Variants in SSBP3 observed in about 807,000 individuals in gnomAD.
SSBP3 encodes the protein single stranded DNA binding protein 3.
Under a neutral mutation model 69.6 loss-of-function variants are expected in SSBP3, and 5 were observed. That is an observed-to-expected ratio of 0.07 (90% CI 0.04 to 0.15). SSBP3 has a LOEUF of 0.15. Ranked by LOEUF, SSBP3 falls within the 10% of genes least tolerant of loss-of-function variation. The pLI is 1.00. For synonymous variants in SSBP3, 196 were observed against 193.4 expected (o/e 1.01, Z -0.11); for missense variants, 312 against 534.0 (o/e 0.58, Z 4.10).
At chr1:54,231,871 T>G (rs1644384731) in intron 14 of SSBP3, among the ~76,000 whole-genome samples, 1 of 151,996 alleles carries the variant, frequency 6.6e-6, no homozygotes, top group African/African-American at 2.4e-5. Flanking sequence ...ATTTTGTATT[T>G]TTAGTAGAGA....
At chr1:54,333,572 A>G (rs1217073728) in intron 4 of SSBP3, among the ~76,000 whole-genome samples, 1 of 152,106 alleles carries the variant, frequency 6.6e-6, no homozygotes, top group Non-Finnish European at 1.5e-5. Flanking sequence ...TTTCTACATA[A>G]CAAAACCAAA....
intron 4 of SSBP3, among the ~76,000 whole-genome samples, chr1:54,399,950 C>T (rs989990107): frequency 6.6e-6 from 1 of 152,042 alleles, no homozygotes; most frequent in African/African-American, 2.4e-5. Context: ...CCAGGTGGAG[C>T]CCAATTCAAA....
chr1:54,266,803 C>A (rs2100796049), intron 5 of SSBP3, among the ~76,000 whole-genome samples: 1 of 152,236 alleles, frequency 6.6e-6, no homozygotes, highest in South Asian at 2.1e-4. Context: ...CTGAATTTGG[C>A]TGTCACACCA....
intron 5 of SSBP3, among the ~76,000 whole-genome samples, chr1:54,268,305 C>T (rs1028235394): frequency 6.6e-5 from 10 of 152,246 alleles, no homozygotes; most frequent in Non-Finnish European, 1.0e-4. Context: ...TGCCCGCCGG[C>T]CTCCGCCACC....
In SSBP3 at chr1:54,281,530, G is replaced by A; in HGVS notation, c.277-3C>T. The A allele has an allele frequency of 2.6e-6, 4 of 1,559,704 alleles. No individual in the cohort carries two copies. The highest frequency in any genetic ancestry group is 1.4e-5 in the African/African-American group (1 of 73,446). On this transcript the variant is annotated splice_region_variant and splice_polypyrimidine_tract_variant and intron_variant, in intron 4 of 17. Transcript: ENST00000610401. The stretch of plus-strand genomic sequence containing the variant: ...GGGCTCGGGGCAGCTGCTGCACTCT[G>A]TGGAGACAACAAGGCAGAGAGTTAG...
intron 4 of SSBP3, among the ~76,000 whole-genome samples, chr1:54,386,927 T>C (rs920854737): frequency 6.6e-6 from 1 of 150,694 alleles, no homozygotes; most frequent in African/African-American, 2.5e-5. Flanking sequence ...TCAACAGGAG[T>C]CCCCTCCTTC....
chr1:54,315,302 CCT>C (rs1169641581), intron 4 of SSBP3, among the ~76,000 whole-genome samples: 5 of 152,254 alleles, frequency 3.3e-5, no homozygotes, highest in South Asian at 4.1e-4. Context: ...GCCTGGTCTA[CCT>C]CTGTTTCCAG....
chr1:54,383,332 C>T (rs904035941), intron 4 of SSBP3, among the ~76,000 whole-genome samples: 2 of 151,600 alleles, frequency 1.3e-5, no homozygotes, highest in Non-Finnish European at 2.9e-5. Context: ...GAGCCAAGAT[C>T]GCACCACTGC....
intron 4 of SSBP3, among the ~76,000 whole-genome samples, chr1:54,318,612 T>G (rs184408831): frequency 1.8e-4 from 28 of 152,164 alleles, no homozygotes; most frequent in African/African-American, 6.7e-4. Flanking sequence ...GAGTCTCACC[T>G]CCTGGTGGAG....
intron 5 of SSBP3, among the ~76,000 whole-genome samples, chr1:54,268,197 T>C (rs1468918649): frequency 6.6e-6 from 1 of 152,232 alleles, no homozygotes; most frequent in African/African-American, 2.4e-5. Context: ...CTCTGGAACA[T>C]GGGGTGAACG....
At chr1:54,350,976 C>T (rs1646772688) in intron 4 of SSBP3, among the ~76,000 whole-genome samples, 2 of 151,990 alleles carry the variant, frequency 1.3e-5, no homozygotes, top group African/African-American at 2.4e-5. Context: ...AGGCACGTGC[C>T]GCCAAGCCCA....
intron 4 of SSBP3, among the ~76,000 whole-genome samples, chr1:54,291,732 G>GT (rs1645612504): frequency 6.6e-6 from 1 of 152,204 alleles, no homozygotes; most frequent in Admixed American, 6.5e-5. Flanking sequence ...AAAGAATGAT[G>GT]TAGGTCACAA....
intron 4 of SSBP3, among the ~76,000 whole-genome samples, chr1:54,364,559 A>G (rs558011486): frequency 6.6e-6 from 1 of 152,214 alleles, no homozygotes; most frequent in African/African-American, 2.4e-5. Flanking sequence ...TATAAATAGA[A>G]TATCAAGTCC....
chr1:54,285,651 C>T (rs1020478940), intron 4 of SSBP3, among the ~76,000 whole-genome samples: 2 of 152,128 alleles, frequency 1.3e-5, no homozygotes, highest in Non-Finnish European at 2.9e-5. Flanking sequence ...TGCTAGGAAT[C>T]GGCCTCCCTC....
chr1:54,243,865 T>C (rs1337536754), intron 9 of SSBP3, among the ~76,000 whole-genome samples: 1 of 152,206 alleles, frequency 6.6e-6, no homozygotes, highest in Non-Finnish European at 1.5e-5. Flanking sequence ...ACAGACATGA[T>C]GCTGGGAAGC....
intron 4 of SSBP3, among the ~76,000 whole-genome samples, chr1:54,383,003 AAG>A (rs961815124): frequency 2.2e-5 from 3 of 138,016 alleles, no homozygotes; most frequent in South Asian, 2.3e-4. Flanking sequence ...AAAAAAAAAG[AAG>A]AGAGAGAGAG....
chr1:54,358,219 G>A (rs961801261), intron 4 of SSBP3, among the ~76,000 whole-genome samples: 7 of 152,340 alleles, frequency 4.6e-5, no homozygotes, highest in Non-Finnish European at 1.0e-4. Flanking sequence ...TAACACGCCT[G>A]CCTAACCTCA....
At chr1:54,379,279 A>G (rs925575630) in intron 4 of SSBP3, among the ~76,000 whole-genome samples, 1 of 152,244 alleles carries the variant, frequency 6.6e-6, no homozygotes, top group Non-Finnish European at 1.5e-5. Context: ...GATGCTGTGA[A>G]GCCCTACCTG....
intron 4 of SSBP3, among the ~76,000 whole-genome samples, chr1:54,328,072 G>A (rs1309800500): frequency 6.6e-6 from 1 of 152,120 alleles, no homozygotes; most frequent in Non-Finnish European, 1.5e-5. Context: ...CTAGGGAGTG[G>A]GAGGGAGAAT....
Sources: allele counts gnomAD v4.1 joint callset (sites outside exome capture counted in the v4.1 genomes callset), GRCh38; gene constraint gnomAD v4.1.1; transcripts MANE v1.5; gene names NCBI Gene and HGNC (gene_info 2026-07-23, HGNC 2026-07-21).